The following GALK2 variants were observed in gnomAD, a reference collection of about 807,000 sequenced individuals.
The protein encoded by GALK2 is galactokinase 2.
GALK2 carries 36 observed loss-of-function variants against 52.4 expected under a neutral mutation model. The ratio of observed to expected loss-of-function variants is 0.69; its 90% CI spans 0.53 to 0.91. The LOEUF is 0.91. Among genes scored for constraint, GALK2 ranks in the 40% least tolerant of loss-of-function variants. GALK2 has a pLI of 0.00. For missense variants in GALK2, 579 were observed against 559.1 expected (o/e 1.04, Z -0.36); for synonymous variants, 176 against 199.1 (o/e 0.88, Z 0.98).
intron 8 of GALK2, among the ~76,000 whole-genome samples, chr15:49,304,586 G>T (rs1363766954): frequency 6.6e-6 from 1 of 152,176 alleles, no homozygotes; most frequent in Non-Finnish European, 1.5e-5. Flanking sequence ...CAGTCAGATG[G>T]ATGTGATGAA....
At chr15:49,362,935 G>A (rs1057027020) in intron 3 of GALK2, among the ~76,000 whole-genome samples, 2 of 151,966 alleles carry the variant, frequency 1.3e-5, no homozygotes, top group African/African-American at 4.8e-5. Flanking sequence ...ATGGTAGTAG[G>A]TGTGCAGCAT....
At chr15:49,212,746 T>G (rs920469374) in intron 2 of GALK2, among the ~76,000 whole-genome samples, 3 of 152,200 alleles carry the variant, frequency 2.0e-5, no homozygotes, top group Admixed American at 6.5e-5. Context: ...TCTTAATTTT[T>G]TCATTGGCCC....
chr15:49,259,838 T>G (rs2092010459), intron 5 of GALK2, among the ~76,000 whole-genome samples: 1 of 151,276 alleles, frequency 6.6e-6, no homozygotes, highest in South Asian at 2.1e-4. Flanking sequence ...TGTTTGGTTT[T>G]TTTGTTCTTG....
At chr15:49,205,346 G>C (rs1049385820) in intron 2 of GALK2, among the ~76,000 whole-genome samples, 1 of 152,120 alleles carries the variant, frequency 6.6e-6, no homozygotes, top group East Asian at 1.9e-4. Flanking sequence ...ATTCCCAACA[G>C]CAGTGTAGAA....
In GALK2 at chr15:49,328,517, A is replaced by G. The variant is rs1187118285; in HGVS notation, c.*358A>G. ...AATATATTGTTACAATTAAACTGAT[A>G]CCACTGAATTGTATGCATTATTCTT... On this transcript the variant is annotated 3_prime_UTR_variant, in exon 10 of 10. Coordinates refer to ENST00000560031, the MANE Select transcript of GALK2 (RefSeq NM_002044.4). 6.3e-7 allele frequency: 1 copy of G among 1,597,828 alleles called. No homozygotes were observed.
chr15:49,366,248 AT>A (rs2045165149), intron 3 of GALK2: 1 of 786,300 alleles, frequency 1.3e-6, no homozygotes, highest in Non-Finnish European at 2.4e-6. Context: ...CTTCATATCT[AT>A]AAAGTCTTTG....
chr15:49,248,892 C>T (rs1007765112), intron 5 of GALK2, among the ~76,000 whole-genome samples: 1 of 152,110 alleles, frequency 6.6e-6, no homozygotes, highest in African/African-American at 2.4e-5. Context: ...GTGTGTGTCA[C>T]TGTTTGCAAG....
chr15:49,270,439 A>G (rs919995148), intron 5 of GALK2, among the ~76,000 whole-genome samples: 2 of 152,226 alleles, frequency 1.3e-5, no homozygotes, highest in Non-Finnish European at 1.5e-5. Flanking sequence ...TTTAGAGCAC[A>G]TAAAATATAA....
At chr15:49,223,103 T>TCAGGAAG (rs2089920574) in intron 3 of GALK2, 1 of 152,202 alleles carries the variant, frequency 6.6e-6, no homozygotes, top group African/African-American at 2.4e-5. Context: ...TCTTCCTGAT[T>TCAGGAAG]TAATCTTGGT....
chr15:49,346,036 T>C (rs1336195006), intron 3 of GALK2, among the ~76,000 whole-genome samples: 1 of 146,318 alleles, frequency 6.8e-6, no homozygotes, highest in African/African-American at 2.5e-5. Flanking sequence ...TTGCTTTTGG[T>C]CACTTGCTTT....
At chr15:49,335,755 A>C (rs1175661396), downstream of GALK2, among the ~76,000 whole-genome samples, 1 of 152,242 alleles carries the variant, frequency 6.6e-6, no homozygotes, top group Non-Finnish European at 1.5e-5. Flanking sequence ...AAATCCTGTA[A>C]TTACCTTTTG....
intron 8 of GALK2, among the ~76,000 whole-genome samples, chr15:49,299,709 G>GCTTGCTTTCTTTCTTTCTTT (rs2034799400): frequency 2.3e-5 from 2 of 85,242 alleles, no homozygotes; most frequent in South Asian, 9.4e-4. Flanking sequence ...TCTTGGTATT[G>GCTTGCTTTCTTTCTTTCTTT]CTTTCTTTCT....
downstream of GALK2, among the ~76,000 whole-genome samples, chr15:49,336,236 T>C (rs1292891466): frequency 6.6e-6 from 1 of 152,226 alleles, no homozygotes; most frequent in Non-Finnish European, 1.5e-5. Context: ...AAGGTGGTAA[T>C]CAGAATGTCC....
chr15:49,349,439 T>G (rs1209997128), intron 3 of GALK2, among the ~76,000 whole-genome samples: 1 of 152,186 alleles, frequency 6.6e-6, no homozygotes, highest in African/African-American at 2.4e-5. Flanking sequence ...TAAAATGTCT[T>G]TCTCTAAGAG....
At chr15:49,258,825 TGTGTGAGAGA>T (rs1649189883) in intron 5 of GALK2, among the ~76,000 whole-genome samples, 1 of 121,126 alleles carries the variant, frequency 8.3e-6, no homozygotes, top group African/African-American at 3.1e-5. Flanking sequence ...TGTGTGTGTG[TGTGTGAGAGA>T]GAGAGAGAGA....
intron 6 of GALK2, 123 bp from the exon 7 acceptor site, chr15:49,283,443 A>C (rs1264387578): frequency 1.2e-6 from 1 of 818,318 alleles, no homozygotes; most frequent in East Asian, 2.7e-5. Context: ...CTGGAGGTCA[A>C]TAAGTAATAT....
At chr15:49,326,537 A>G (rs1377251133) in intron 9 of GALK2, among the ~76,000 whole-genome samples, 1 of 152,168 alleles carries the variant, frequency 6.6e-6, no homozygotes, top group East Asian at 1.9e-4. Context: ...GGCGTGAGCC[A>G]CTGCACCCGG....
chr15:49,167,690 T>C (rs2084867086), upstream of GALK2, among the ~76,000 whole-genome samples: 1 of 152,208 alleles, frequency 6.6e-6, no homozygotes, highest in African/African-American at 2.4e-5. Context: ...ATTAGATATG[T>C]CTAATAAGAA....
At position 49,328,309 on chromosome 15, in the gene GALK2, A is replaced by G; in HGVS notation, c.*150A>G. On this transcript the variant is annotated 3_prime_UTR_variant, in exon 10 of 10. Transcript: ENST00000560031. ...ATATATTTTCAAAGAAATGGTTGAA[A>G]GCTCTCTATGCTTCATAATGATTCT... is the stretch of plus-strand genomic sequence containing the variant. 7.0e-7 allele frequency: 1 copy of G among 1,436,144 alleles called. No individual in the cohort carries two copies. Among genetic ancestry groups the G allele is most frequent in the Non-Finnish European group, 9.1e-7 (1 of 1,098,780 alleles). 89.0% of individuals were successfully genotyped at this position (1,436,144 alleles called of 1,614,324 possible).
Sources: gnomAD v4.1 joint callset for allele counts (sites outside exome capture counted in the v4.1 genomes callset) on GRCh38, gnomAD v4.1.1 for gene constraint, MANE v1.5 for transcripts, NCBI Gene and HGNC (gene_info 2026-07-23, HGNC 2026-07-21) for gene names.